The following RNF144A variants were observed in gnomAD, a reference collection of about 807,000 sequenced individuals.
The protein encoded by RNF144A is ring finger protein 144A, also known as E3 ubiquitin-protein ligase RNF144A.
Under a neutral mutation model 38.7 loss-of-function variants are expected in RNF144A, and 11 were observed. The observed-to-expected ratio is 0.28, with a 90% confidence interval of 0.18 to 0.47. The LOEUF (loss-of-function observed/expected upper bound fraction) is 0.47. RNF144A is among the 20% of genes least tolerant of loss of function. The pLI, the probability that RNF144A is intolerant of heterozygous loss-of-function variation, is 0.99. For synonymous variants in RNF144A, 149 were observed against 143.9 expected, an observed-to-expected ratio of 1.04 and a Z score of -0.25; for missense variants, 316 against 377.2, an observed-to-expected ratio of 0.84 and a Z score of 1.34.
At position 7,043,431 on chromosome 2, in the gene RNF144A, C is replaced by T. The variant is rs1171009816; in HGVS notation, c.*3671C>T. 1.3e-5 allele frequency: 13 copies of T among 985,424 alleles called. No homozygotes were observed. The highest frequency in any genetic ancestry group is 3.5e-5 in the African/African-American group (2 of 57,152). 61.0% of individuals were successfully genotyped at this position (985,424 alleles called of 1,614,324 possible). A position where few individuals can be genotyped will look rare whatever the true frequency, so the allele number is the denominator to read the frequency against. ...TCCAGGATGGGCTTTGTGTGTGTGT[C>T]TCAGATTCTCATTTATTAGTGAGCA... is the stretch of plus-strand genomic sequence containing the variant. On this transcript the variant is annotated 3_prime_UTR_variant, in exon 9 of 9. Coordinates refer to ENST00000320892, the MANE Select transcript of RNF144A (RefSeq NM_014746.6).
chr2:7,030,185 C>G lies in RNF144A; in HGVS notation c.717C>G (p.Ser239=), dbSNP rs1228010713. ...KGPCRNKLGH[S]RASVIWHRTQ... is the part of the protein sequence containing the mutation. ...CCTGCCGGAACAAGCTGGGCCACTC[C>G]CGGGCATCTGTGATCTGGCATCGGA... is the stretch of plus-strand genomic sequence containing the variant. The change falls in exon 8 of 9, where the codon TCC becomes TCG. Residue 239 remains serine (S), a synonymous_variant. Coordinates refer to ENST00000320892, the MANE Select transcript of RNF144A (RefSeq NM_014746.6). The G allele has an allele frequency of 1.2e-6, 2 of 1,613,522 alleles. No individual in the cohort carries two copies. Among genetic ancestry groups the G allele is most frequent in the African/African-American group, 2.7e-5 (2 of 74,830 alleles).
intron 4 of RNF144A, 70 bp downstream of exon 4, chr2:7,014,628 C>T (rs979136978): frequency 6.6e-6 from 10 of 1,521,426 alleles, no homozygotes; most frequent in Non-Finnish European, 7.3e-6. Flanking sequence ...GTCAGAATAA[C>T]GTGGGTTTTG....
chr2:7,051,555 A>G (rs1478719460), intron 6 of RNF144A, among the ~76,000 whole-genome samples: 1 of 152,170 alleles, frequency 6.6e-6, no homozygotes, highest in Non-Finnish European at 1.5e-5. Context: ...ATGGGGGTCT[A>G]TGCCCAGCCT....
At chr2:7,027,790 C>A (rs1448132725) in intron 7 of RNF144A, among the ~76,000 whole-genome samples, 1 of 152,200 alleles carries the variant, frequency 6.6e-6, no homozygotes, top group African/African-American at 2.4e-5. Context: ...GATTGTTATG[C>A]CTCAGGGCAT....
chr2:7,060,064 C>G (rs906041880), intron 6 of RNF144A, among the ~76,000 whole-genome samples: 1 of 152,260 alleles, frequency 6.6e-6, no homozygotes, highest in East Asian at 1.9e-4. Context: ...GAAACGTTAT[C>G]CATGTTCTGG....
intron 8 of RNF144A, among the ~76,000 whole-genome samples, chr2:7,034,317 A>G (rs1672521268): frequency 6.6e-6 from 1 of 151,472 alleles, no homozygotes; most frequent in African/African-American, 2.4e-5. Context: ...ACTTGGAGCG[A>G]TAGTGTTTGG....
intron 6 of RNF144A, among the ~76,000 whole-genome samples, chr2:7,053,975 C>G (rs1316287293): frequency 6.6e-6 from 1 of 152,248 alleles, no homozygotes; most frequent in East Asian, 1.9e-4. Context: ...GCTTGTCCAT[C>G]TTGTAGACAG....
At chr2:6,977,078 G>A (rs12618219) in intron 2 of RNF144A, among the ~76,000 whole-genome samples, 43,301 of 152,132 alleles carry the variant, frequency 0.28, 7,627 homozygotes, top group Non-Finnish European at 0.4. Flanking sequence ...TAAATATTAC[G>A]CATTGCCTCT....
chr2:7,029,398 T>C (rs1416317140), intron 7 of RNF144A, among the ~76,000 whole-genome samples: 1 of 152,060 alleles, frequency 6.6e-6, no homozygotes, highest in African/African-American at 2.4e-5. Context: ...GAGACCAACA[T>C]GTGTGAGGGT....
chr2:7,035,928 C>G (rs1032539787), intron 8 of RNF144A, among the ~76,000 whole-genome samples: 7 of 152,202 alleles, frequency 4.6e-5, no homozygotes, highest in African/African-American at 9.7e-5. Context: ...GCAAGTGATA[C>G]ATTTTTTATT....
chr2:7,009,454 G>A (rs930685399), intron 3 of RNF144A, among the ~76,000 whole-genome samples: 7 of 152,078 alleles, frequency 4.6e-5, no homozygotes, highest in Non-Finnish European at 7.4e-5. Flanking sequence ...CACAGGAGGC[G>A]GCGGGTCTAA....
chr2:7,074,308 C>T, the RNF144A span, among the ~76,000 whole-genome samples: 1 of 152,138 alleles, frequency 6.6e-6, no homozygotes, highest in African/African-American at 2.4e-5. Flanking sequence ...ACCCATTTAC[C>T]CACCTTCCAG....
chr2:7,014,853 A>T, intron 5 of RNF144A, 81 bp downstream of exon 5: 1 of 1,000,740 alleles, frequency 1.0e-6, no homozygotes, highest in Middle Eastern at 2.7e-4. Flanking sequence ...CTTTTGGTAG[A>T]TATGGTTATA....
intron 6 of RNF144A, among the ~76,000 whole-genome samples, chr2:7,021,497 C>T (rs947107630): frequency 1.3e-5 from 2 of 152,168 alleles, no homozygotes; most frequent in African/African-American, 4.8e-5. Flanking sequence ...GGTCTCCTTC[C>T]GGGCGAACCT....
chr2:7,037,196 G>A lies in RNF144A; in HGVS notation c.748-2433G>A, dbSNP rs150187246. Among the ~76,000 whole-genome samples the A allele has an allele frequency of 2.6e-3, 395 of 152,252 alleles. 1 individual carries two copies. Among genetic ancestry groups the A allele is most frequent in the South Asian group, 0.015 (74 of 4,824 alleles). On this transcript the variant is annotated intron_variant, in intron 8 of 8. Transcript: ENST00000320892. ...TGTCTCATTTTTTACTGCTGGCTGC[G>A]TAACTGGCAGTACCTGCATCTGCCT...
intron 2 of RNF144A, among the ~76,000 whole-genome samples, chr2:6,977,695 C>T (rs1190435131): frequency 1.3e-5 from 2 of 152,198 alleles, no homozygotes; most frequent in Non-Finnish European, 2.9e-5. Flanking sequence ...TTAAACTTTA[C>T]TGACCAATTT....
At chr2:6,945,362 A>G (rs1209945646) in intron 2 of RNF144A, among the ~76,000 whole-genome samples, 4 of 151,982 alleles carry the variant, frequency 2.6e-5, no homozygotes, top group East Asian at 3.9e-4. Flanking sequence ...CACATTTTCC[A>G]CATTTAGCTC....
rs1011559184 is a variant in RNF144A, at chr2:7,040,602, C to T, written c.*842C>T. The T allele has an allele frequency of 7.8e-5, 77 of 985,310 alleles. No individual in the cohort carries two copies. Among genetic ancestry groups the T allele is most frequent in the Non-Finnish European group, 8.8e-5 (73 of 829,938 alleles). 61.0% of individuals were successfully genotyped at this position (985,310 alleles called of 1,614,324 possible). On this transcript the variant is annotated 3_prime_UTR_variant, in exon 9 of 9. Coordinates refer to ENST00000320892, the MANE Select transcript of RNF144A (RefSeq NM_014746.6). ...CTTCTCTCCCAGGTAGCAGAAAACG[C>T]TTTTTATTGTATTCAATCCCACTGC...
chr2:6,982,788 T>A (rs768564818), intron 2 of RNF144A, among the ~76,000 whole-genome samples: 8 of 152,338 alleles, frequency 5.3e-5, no homozygotes, highest in Non-Finnish European at 1.2e-4. Context: ...CACATTATTG[T>A]CACAGTCATC....
Sources: gnomAD v4.1 joint callset for allele counts (sites outside exome capture counted in the v4.1 genomes callset) on GRCh38, gnomAD v4.1.1 for gene constraint, MANE v1.5 for transcripts, NCBI Gene and HGNC (gene_info 2026-07-23, HGNC 2026-07-21) for gene names.